The following AKNA variants were observed in gnomAD, a reference collection of about 807,000 sequenced individuals.
The protein encoded by AKNA is AT-hook transcription factor, also known as microtubule organization protein AKNA.
A neutral mutation model predicts 138.8 loss-of-function variants in AKNA; 67 were observed. That is an observed-to-expected ratio of 0.48 (90% CI 0.40 to 0.59). The LOEUF (loss-of-function observed/expected upper bound fraction) is 0.59, where lower values mean the gene tolerates loss of function less well. Ranked by LOEUF, AKNA falls within the 20% of genes least tolerant of loss-of-function variation. The pLI is 0.00. For synonymous variants in AKNA, 737 were observed against 754.4 expected, an observed-to-expected ratio of 0.98 and a Z score of 0.38; for missense variants, 1,813 against 1,880.4, an observed-to-expected ratio of 0.96 and a Z score of 0.66.
chr9:114,376,548 G>A lies in AKNA; in HGVS notation c.1259C>T (p.Thr420Met), dbSNP rs771515179. 46 of 1,613,970 alleles carry A rather than the reference G, an allele frequency of 2.9e-5. No homozygotes were observed. The highest frequency in any genetic ancestry group is 1.2e-4 in the South Asian group (11 of 91,086). ...CCTGGTGATAGGGTGGGCAGGAGGC[G>A]TGTCCTTTGCCAGGGCTGCTTCTCC... ...SSGEAALAKD[T>M]PPAHPITRVP... The change falls in exon 3 of 22, where the codon ACG becomes ATG. Residue 420 changes from threonine (T) to methionine (M), a missense_variant. By Grantham distance (81) the Thr-to-Met change is moderately conservative. Coordinates refer to ENST00000374088, the MANE Select transcript of AKNA (RefSeq NM_001317950.2).
chr9:114,330,888 G>T, downstream of AKNA: 1 of 1,599,140 alleles, frequency 6.3e-7, no homozygotes. Context: ...CAGGCAGGAG[G>T]GTTCACCGTG....
At chr9:114,360,554 G>A (rs1039461074) in intron 9 of AKNA, among the ~76,000 whole-genome samples, 3 of 152,122 alleles carry the variant, frequency 2.0e-5, no homozygotes, top group Non-Finnish European at 2.9e-5. Context: ...CCATTCAAGT[G>A]TGTAGTGGCA....
Position 114,381,123 on chromosome 9 carries a change from A to G in AKNA, c.211T>C (p.Trp71Arg), listed in dbSNP as rs570076924. 13 of 1,611,864 alleles carry G rather than the reference A, an allele frequency of 8.1e-6. No homozygotes were observed. The East Asian group carries it at 2.2e-4, about 28-fold the overall frequency. The change falls in exon 2 of 22, where the codon TGG (tryptophan) becomes CGG (arginine). Residue 71 changes from tryptophan (W) to arginine (R), a missense_variant. By Grantham distance (101) the Trp-to-Arg change is moderately radical. Transcript: ENST00000374088. ...CCATCGGGCTGCGGGTGTGGGTCCC[A>G]CTCCAGGGGCGGCAGGTGCTGCTGG... ...LAQQHLPPLE[W>R]DPHPQPDGHQ...
intron 4 of AKNA, among the ~76,000 whole-genome samples, chr9:114,372,399 C>A (rs1466640217): frequency 6.6e-6 from 1 of 152,168 alleles, no homozygotes; most frequent in African/African-American, 2.4e-5. Context: ...CAGCTGTGCT[C>A]CCCCGTGTCC....
At chr9:114,361,225 C>A (rs1016781624) in intron 9 of AKNA, among the ~76,000 whole-genome samples, 2 of 152,146 alleles carry the variant, frequency 1.3e-5, no homozygotes, top group Non-Finnish European at 2.9e-5. Flanking sequence ...TTTCTCTTCC[C>A]ATACTCTAGC....
Position 114,357,957 on chromosome 9 carries a change from CT to C in AKNA, c.2702del (p.Gln901ArgfsTer54). 6.2e-7 allele frequency: 1 copy of C among 1,601,778 alleles called. No individual in the cohort carries two copies. Among genetic ancestry groups the C allele is most frequent in the Non-Finnish European group, 8.5e-7 (1 of 1,175,936 alleles). On this transcript the variant is annotated frameshift_variant, in exon 12 of 22. Transcript: ENST00000374088. LOFTEE classifies it high-confidence loss of function. Reference protein sequence around the residue: ...EGSGISERLPQKPLHRGGGPH... With the variant: ...EGSGISERLPXKPLHRGGGPH... ...GCCCACCGCCTCGGTGCAAAGGCTT[CT>C]GTGGAAGGCGCTCAGAGATGCCGCT...
chr9:114,388,041 C>T (rs1277379028), upstream of AKNA: 3 of 270,918 alleles, frequency 1.1e-5, no homozygotes, highest in African/African-American at 6.6e-5. Flanking sequence ...CCGCCCCTGC[C>T]GTGGTTGAGG....
chr9:114,335,510 G>C lies in AKNA; in HGVS notation c.*1544C>G, dbSNP rs748596093. 1.3e-5 allele frequency: 2 copies of C among 152,198 alleles called. No individual in the cohort carries two copies. Among genetic ancestry groups the C allele is most frequent in the Non-Finnish European group, 2.9e-5 (2 of 68,060 alleles). 9.4% of individuals were successfully genotyped at this position (152,198 alleles called of 1,614,324 possible). A position where few individuals can be genotyped will look rare whatever the true frequency, so the allele number is the denominator to read the frequency against. On this transcript the variant is annotated 3_prime_UTR_variant, in exon 22 of 22. Transcript: ENST00000374088. ...TGGAAGGCTGGGCGCCATGGCTCAC[G>C]CCTGTAATCCCAGCAATTTGGGAGG...
intron 9 of AKNA, among the ~76,000 whole-genome samples, chr9:114,361,140 C>G (rs962402716): frequency 6.6e-6 from 1 of 152,184 alleles, no homozygotes; most frequent in African/African-American, 2.4e-5. Flanking sequence ...AGGCCATGCT[C>G]TCTACGTGAC....
chr9:114,372,387 C>A (rs1047753067), intron 4 of AKNA, among the ~76,000 whole-genome samples: 11 of 152,208 alleles, frequency 7.2e-5, no homozygotes, highest in African/African-American at 2.4e-4. Context: ...GAGGAGATAC[C>A]CCAGCTGTGC....
intron 4 of AKNA, among the ~76,000 whole-genome samples, chr9:114,369,989 A>T (rs1832653103): frequency 6.6e-6 from 1 of 152,180 alleles, no homozygotes. Context: ...CCCGTGGAAA[A>T]GCAACACCCC....
intron 6 of AKNA, 45 bp downstream of exon 6, chr9:114,367,498 C>A: frequency 1.2e-6 from 2 of 1,603,024 alleles, no homozygotes; most frequent in East Asian, 2.2e-5. Flanking sequence ...CTGTGTTCTC[C>A]AGGTGAGTTA....
At chr9:114,368,017 G>T (rs1248479108) in intron 5 of AKNA, among the ~76,000 whole-genome samples, 1 of 152,260 alleles carries the variant, frequency 6.6e-6, no homozygotes, top group Non-Finnish European at 1.5e-5. Context: ...CTCCATAGCT[G>T]TATGAACTTC....
intron 3 of AKNA, 85 bp downstream of exon 3, chr9:114,376,381 C>A (rs758856987): frequency 2.0e-5 from 25 of 1,251,104 alleles, no homozygotes; most frequent in Non-Finnish European, 2.6e-5. Context: ...CCAGCCTCTA[C>A]TCCAGGCCTC....
chr9:114,392,285 T>A (rs1589047758), upstream of AKNA, among the ~76,000 whole-genome samples: 1 of 152,190 alleles, frequency 6.6e-6, no homozygotes, highest in Admixed American at 6.5e-5. Flanking sequence ...TGCGGCTTAA[T>A]GAGATTGTCT....
chr9:114,350,614 A>C (rs1162071822), intron 15 of AKNA, among the ~76,000 whole-genome samples: 1 of 152,238 alleles, frequency 6.6e-6, no homozygotes. Context: ...CATAAGTGTC[A>C]GCACCAGAAA....
intron 2 of AKNA, among the ~76,000 whole-genome samples, chr9:114,379,335 C>T (rs899450976): frequency 6.6e-6 from 1 of 152,264 alleles, no homozygotes; most frequent in African/African-American, 2.4e-5. Context: ...CCAGACCCTG[C>T]CCAGCCCTGT....
intron 13 of AKNA, 40 bp from the exon 14 acceptor site, chr9:114,356,176 AGAGT>A (rs1455956686): frequency 6.4e-7 from 1 of 1,569,616 alleles, no homozygotes; most frequent in Admixed American, 1.8e-5. Context: ...GGGGTCACAC[AGAGT>A]GAGACACTCA....
rs780532577 is a variant in AKNA at position 114,347,787 on chromosome 9, C to T, written c.3335G>A (p.Arg1112His). The change falls in exon 16 of 22, where the codon CGC becomes CAC. Residue 1112 changes from arginine to histidine, a missense_variant. Physicochemically the swap from Arg to His is conservative, Grantham distance 29. Coordinates refer to ENST00000374088, the MANE Select transcript of AKNA (RefSeq NM_001317950.2). ...SPTRPASAFD[R>H]PARTRGRPAD... is the part of the protein sequence containing the mutation. ...TGGCCGGCCGCGGGTCCGGGCGGGG[C>T]GGTCAAAGGCAGATGCTGGGCGTGT... 2.9e-5 allele frequency: 45 copies of T among 1,548,026 alleles called. No homozygotes were observed. Among genetic ancestry groups the T allele is most frequent in the Admixed American group, 4.0e-5 (2 of 50,534 alleles).
Sources: allele counts gnomAD v4.1 joint callset (sites outside exome capture counted in the v4.1 genomes callset), GRCh38; gene constraint gnomAD v4.1.1; transcripts MANE v1.5; gene names NCBI Gene and HGNC (gene_info 2026-07-23, HGNC 2026-07-21).